Variants in EPHA7 observed in about 807,000 individuals in gnomAD.
EPHA7 encodes ephrin type-A receptor 7.
A neutral mutation model predicts 112.6 loss-of-function variants in EPHA7; 25 were observed. The ratio of observed to expected loss-of-function variants is 0.22; its 90% confidence interval spans 0.16 to 0.31. The LOEUF is 0.31. Among genes scored for constraint, EPHA7 ranks in the 10% least tolerant of loss-of-function variants. The pLI is 1.00. For synonymous variants in EPHA7, 437 were observed against 406.5 expected (o/e 1.07, Z -0.90); for missense variants, 962 against 1,212.6 (o/e 0.79, Z 3.07).
intron 5 of EPHA7, among the ~76,000 whole-genome samples, chr6:93,312,433 C>T (rs1342658970): frequency 6.6e-6 from 1 of 152,074 alleles, no homozygotes; most frequent in African/African-American, 2.4e-5. Context: ...ACGAACCTAC[C>T]CTTGCTAGCA....
intron 3 of EPHA7, among the ~76,000 whole-genome samples, chr6:93,396,381 T>C (rs1280508988): frequency 6.6e-6 from 1 of 151,862 alleles, no homozygotes; most frequent in African/African-American, 2.4e-5. Context: ...CAGAAATATA[T>C]TTTGCTTTTT....
At chr6:93,273,819 A>G (rs1771344674) in intron 5 of EPHA7, among the ~76,000 whole-genome samples, 2 of 152,006 alleles carry the variant, frequency 1.3e-5, no homozygotes, top group Admixed American at 6.6e-5. Flanking sequence ...AAAGTGACAC[A>G]TCTCTGTACC....
At chr6:93,328,753 A>G (rs1385072131) in intron 5 of EPHA7, among the ~76,000 whole-genome samples, 1 of 151,414 alleles carries the variant, frequency 6.6e-6, no homozygotes, top group African/African-American at 2.4e-5. Flanking sequence ...AGCCCTACAT[A>G]ATCAATGTGC....
At chr6:93,411,306 G>C in intron 2 of EPHA7, 136 bp from the exon 3 acceptor site, 2 of 678,346 alleles carry the variant, frequency 2.9e-6, no homozygotes, top group South Asian at 3.9e-5. Flanking sequence ...ATAAACCAGA[G>C]AATGTAAGAT....
At chr6:93,246,660 T>C (rs746270370) in intron 15 of EPHA7, 132 bp downstream of exon 15, 27 of 663,914 alleles carry the variant, frequency 4.1e-5, no homozygotes, top group Non-Finnish European at 6.3e-5. Flanking sequence ...CTTCAGTAAA[T>C]GCAATACATT....
intron 5 of EPHA7, among the ~76,000 whole-genome samples, chr6:93,353,236 C>CT (rs1775782525): frequency 6.6e-6 from 1 of 151,994 alleles, no homozygotes; most frequent in Non-Finnish European, 1.5e-5. Flanking sequence ...ATCTTTGTGA[C>CT]TTCAGCCTTA....
chr6:93,326,819 C>A (rs1170647750), intron 5 of EPHA7, among the ~76,000 whole-genome samples: 1 of 151,460 alleles, frequency 6.6e-6, no homozygotes, highest in Non-Finnish European at 1.5e-5. Context: ...AATGAATGGG[C>A]AGAAACAACA....
intron 3 of EPHA7, among the ~76,000 whole-genome samples, chr6:93,402,326 T>C (rs1326976293): frequency 2.6e-5 from 4 of 152,054 alleles, no homozygotes; most frequent in South Asian, 2.1e-4. Context: ...AATGTTCTAA[T>C]TGGAAATTGT....
chr6:93,277,016 G>A (rs1771502966), intron 5 of EPHA7, among the ~76,000 whole-genome samples: 1 of 151,926 alleles, frequency 6.6e-6, no homozygotes, highest in Non-Finnish European at 1.5e-5. Flanking sequence ...AAATTTGTTA[G>A]ATATCCATTA....
Position 93,419,347 on chromosome 6 carries a change from A to G in EPHA7, c.-6T>C, listed in dbSNP as rs1167853891. 8.1e-6 allele frequency: 13 copies of G among 1,608,098 alleles called. No homozygotes were observed. The highest frequency in any genetic ancestry group is 1.1e-5 in the Non-Finnish European group (13 of 1,175,366). On this transcript the variant is annotated 5_prime_UTR_variant, in exon 1 of 17. It removes an upstream start codon present in the reference 5' UTR. Coordinates refer to ENST00000369303, the MANE Select transcript of EPHA7 (RefSeq NM_004440.4). ...TACCGAGTTTGAAAAACCATGGTGC[A>G]TGAGCAGGTTTTATTTTAGGTTTCA...
At chr6:93,338,782 T>C (rs1328221455) in intron 5 of EPHA7, among the ~76,000 whole-genome samples, 1 of 151,562 alleles carries the variant, frequency 6.6e-6, no homozygotes, top group East Asian at 1.9e-4. Context: ...AGTTATACTA[T>C]CTAACCTCAA....
intron 5 of EPHA7, among the ~76,000 whole-genome samples, chr6:93,346,026 T>C (rs1775389543): frequency 6.6e-6 from 1 of 151,702 alleles, no homozygotes; most frequent in Non-Finnish European, 1.5e-5. Flanking sequence ...CAATCTCCTA[T>C]CTTTCACCTA....
At chr6:93,366,550 A>G (rs1776520025) in intron 3 of EPHA7, among the ~76,000 whole-genome samples, 1 of 152,172 alleles carries the variant, frequency 6.6e-6, no homozygotes, top group Non-Finnish European at 1.5e-5. Flanking sequence ...AATATACCAT[A>G]TAGAAACATA....
chr6:93,320,767 C>A (rs2127883342), intron 5 of EPHA7, among the ~76,000 whole-genome samples: 1 of 152,000 alleles, frequency 6.6e-6, no homozygotes, highest in East Asian at 1.9e-4. Flanking sequence ...AAAGCTTACA[C>A]AGCTTTGCTA....
chr6:93,300,105 C>A (rs948141397), intron 5 of EPHA7, among the ~76,000 whole-genome samples: 36 of 152,152 alleles, frequency 2.4e-4, no homozygotes, highest in African/African-American at 7.9e-4. Context: ...AACAAACCTG[C>A]GCATGTATCC....
At chr6:93,365,330 T>C (rs754244050) in intron 3 of EPHA7, among the ~76,000 whole-genome samples, 1 of 152,206 alleles carries the variant, frequency 6.6e-6, no homozygotes, top group Non-Finnish European at 1.5e-5. Context: ...CAAACGTAGT[T>C]AAGAATTCTA....
chr6:93,324,057 G>C (rs1774199491), intron 5 of EPHA7, among the ~76,000 whole-genome samples: 1 of 151,344 alleles, frequency 6.6e-6, no homozygotes, highest in Non-Finnish European at 1.5e-5. Context: ...AGACTCTTTT[G>C]AGCACAACAA....
intron 3 of EPHA7, chr6:93,409,990 AG>A (rs1452134270): frequency 6.6e-6 from 1 of 151,628 alleles, no homozygotes; most frequent in Non-Finnish European, 1.5e-5. Flanking sequence ...TTTGTATTAA[AG>A]TTATAGTATT....
chr6:93,266,159 G>T (rs758761432), intron 7 of EPHA7, among the ~76,000 whole-genome samples: 1 of 151,704 alleles, frequency 6.6e-6, no homozygotes, highest in South Asian at 2.1e-4. Context: ...ACAGAGAAAA[G>T]ATGACTTCAA....
Sources: gnomAD v4.1 joint callset for allele counts (sites outside exome capture counted in the v4.1 genomes callset) on GRCh38, gnomAD v4.1.1 for gene constraint, MANE v1.5 for transcripts, NCBI Gene and HGNC (gene_info 2026-07-23, HGNC 2026-07-21) for gene names.